The following ZFYVE9 variants were observed in gnomAD, a reference collection of about 807,000 sequenced individuals.
ZFYVE9 encodes zinc finger FYVE domain-containing protein 9.
Under a neutral mutation model 126.7 loss-of-function variants are expected in ZFYVE9, and 43 were observed. The ratio of observed to expected loss-of-function variants is 0.34; its 90% CI spans 0.27 to 0.44. The LOEUF is 0.44. ZFYVE9 is among the 20% of genes least tolerant of loss of function. The probability of loss-of-function intolerance (pLI) is 1.00; values close to 1 mark genes in which losing one functional copy is unlikely to be tolerated. For missense variants in ZFYVE9, 1,476 were observed against 1,697.0 expected (o/e 0.87, Z 2.29); for synonymous variants, 521 against 597.4 (o/e 0.87, Z 1.87).
rs769946024 is a variant in ZFYVE9 at position 52,238,467 on chromosome 1, A to G, written c.1050A>G (p.Gly350=). 8.1e-6 allele frequency: 13 copies of G among 1,614,116 alleles called. No homozygotes were observed. Among genetic ancestry groups the G allele is most frequent in the South Asian group, 2.2e-5 (2 of 91,082 alleles). ...LLKPDMPNGS[G]RNNDCERCSD... ...AACCAGACATGCCTAATGGGTCTGG[A>G]AGGAATAATGACTGTGAACGGTGTT... Residue 350 remains glycine (G), a synonymous_variant, in exon 4 of 19, where the codon GGA becomes GGG. Transcript: ENST00000287727.
At chr1:52,212,057 C>T (rs1645033419) in intron 1 of ZFYVE9, among the ~76,000 whole-genome samples, 1 of 152,180 alleles carries the variant, frequency 6.6e-6, no homozygotes, top group Non-Finnish European at 1.5e-5. Context: ...TTCTGTTATA[C>T]ATCCCAGGGA....
intron 1 of ZFYVE9, among the ~76,000 whole-genome samples, chr1:52,188,438 C>A (rs969484833): frequency 6.6e-6 from 1 of 152,044 alleles, no homozygotes; most frequent in Admixed American, 6.6e-5. Flanking sequence ...ATGAGTTTAC[C>A]TGTATAACAA....
intron 1 of ZFYVE9, among the ~76,000 whole-genome samples, chr1:52,167,257 T>C (rs1413115523): frequency 1.3e-5 from 2 of 152,352 alleles, no homozygotes; most frequent in East Asian, 3.9e-4. Context: ...AGGCATAGGA[T>C]GTGCAGTGAT....
intron 1 of ZFYVE9, among the ~76,000 whole-genome samples, chr1:52,201,590 GC>G (rs1412814780): frequency 2.0e-5 from 3 of 151,576 alleles, no homozygotes; most frequent in Non-Finnish European, 4.4e-5. Context: ...TGTTGGCCAG[GC>G]TGGTCTTGAA....
intron 9 of ZFYVE9, among the ~76,000 whole-genome samples, chr1:52,280,695 G>T (rs1410887124): frequency 1.3e-5 from 2 of 152,126 alleles, no homozygotes; most frequent in African/African-American, 2.4e-5. Context: ...GAACTAAGTA[G>T]TTCAGAAAAG....
chr1:52,179,343 T>A (rs141657614), intron 1 of ZFYVE9, among the ~76,000 whole-genome samples: 2 of 152,234 alleles, frequency 1.3e-5, no homozygotes, highest in Admixed American at 1.3e-4. Context: ...GGATTAAAAG[T>A]CACATTTAAG....
rs1217029127 is a variant in ZFYVE9, at chr1:52,168,209, GTCTTCT to G, written c.-143+25808_-143+25813del. ...ATTCCTCCTCCTCTTCCTCCTCTTCGTCTTCTTTTTTTTTTTTTTTTTTTTTTGACA... is the reference window on the plus strand; with the variant it reads ...ATTCCTCCTCCTCTTCCTCCTCTTCGTTTTTTTTTTTTTTTTTTTTTGACA... On this transcript the variant is annotated intron_variant, in intron 1 of 18. Transcript: ENST00000287727. 2.1e-5 allele frequency among the ~76,000 whole-genome samples: 3 copies of G among 142,248 alleles called. No individual in the cohort carries two copies. The East Asian group carries it at 6.1e-4, about 29-fold the overall frequency. The allele number at this position is 142,248 out of a possible 152,430, so 93.3% of individuals were successfully genotyped here. A position where few individuals can be genotyped will look rare whatever the true frequency, so the allele number is the denominator to read the frequency against.
At chr1:52,241,714 A>T (rs1645335639) in intron 4 of ZFYVE9, among the ~76,000 whole-genome samples, 2 of 152,124 alleles carry the variant, frequency 1.3e-5, no homozygotes, top group African/African-American at 4.8e-5. Flanking sequence ...TACCTTAGAG[A>T]TGTTATAAGT....
intron 13 of ZFYVE9, among the ~76,000 whole-genome samples, chr1:52,326,693 C>CAAAAAAA (rs34479038): frequency 3.9e-5 from 4 of 102,912 alleles, no homozygotes; most frequent in African/African-American, 8.0e-5. Flanking sequence ...TACTCAATAC[C>CAAAAAAA]AAAAAAAAAA....
At chr1:52,227,599 A>G (rs557741073) in intron 2 of ZFYVE9, among the ~76,000 whole-genome samples, 4 of 152,324 alleles carry the variant, frequency 2.6e-5, no homozygotes, top group African/African-American at 9.6e-5. Context: ...TCCAATATTT[A>G]ATGACTTTTT....
At chr1:52,324,707 G>A (rs917682971) in intron 13 of ZFYVE9, among the ~76,000 whole-genome samples, 8 of 152,352 alleles carry the variant, frequency 5.3e-5, no homozygotes, top group South Asian at 2.1e-4. Flanking sequence ...AGGGCAGAGA[G>A]TAAGTCTTTC....
intron 12 of ZFYVE9, among the ~76,000 whole-genome samples, chr1:52,299,623 C>T (rs1569706545): frequency 6.6e-6 from 1 of 152,206 alleles, no homozygotes; most frequent in Non-Finnish European, 1.5e-5. Context: ...CTCCACTGTA[C>T]AGGTCTGTCT....
chr1:52,299,798 C>T (rs1457179604), intron 12 of ZFYVE9, among the ~76,000 whole-genome samples: 1 of 152,222 alleles, frequency 6.6e-6, no homozygotes, highest in African/African-American at 2.4e-5. Flanking sequence ...AATTGGCCCC[C>T]AGGCAGGATG....
intron 1 of ZFYVE9, among the ~76,000 whole-genome samples, chr1:52,143,747 A>G (rs1463638879): frequency 1.3e-5 from 2 of 152,238 alleles, no homozygotes; most frequent in African/African-American, 2.4e-5. Context: ...GAATTCATCA[A>G]TTAAAACAGA....
At chr1:52,174,892 G>A (rs1644609561) in intron 1 of ZFYVE9, among the ~76,000 whole-genome samples, 2 of 152,098 alleles carry the variant, frequency 1.3e-5, no homozygotes, top group Non-Finnish European at 2.9e-5. Context: ...TTGAGCCTAT[G>A]TGTGTCTGTG....
chr1:52,213,080 G>A (rs1645042178), intron 1 of ZFYVE9, among the ~76,000 whole-genome samples: 1 of 152,122 alleles, frequency 6.6e-6, no homozygotes, highest in African/African-American at 2.4e-5. Flanking sequence ...CAATGAATAA[G>A]TCATTACTGT....
chr1:52,150,280 AC>A (rs1231861951), intron 1 of ZFYVE9: 3 of 152,408 alleles, frequency 2.0e-5, no homozygotes, highest in Non-Finnish European at 4.4e-5. Context: ...GTCGGAGACC[AC>A]CAGGTTGCCT....
chr1:52,205,834 A>G (rs1458019037), intron 1 of ZFYVE9, among the ~76,000 whole-genome samples: 1 of 152,226 alleles, frequency 6.6e-6, no homozygotes, highest in African/African-American at 2.4e-5. Context: ...AATTTGTGGT[A>G]TACAAATTAT....
At chr1:52,221,452 C>G (rs1452313782) in intron 2 of ZFYVE9, among the ~76,000 whole-genome samples, 1 of 152,214 alleles carries the variant, frequency 6.6e-6, no homozygotes, top group African/African-American at 2.4e-5. Context: ...TAGGTCATCC[C>G]TCTCTAATAA....
Sources: allele counts gnomAD v4.1 joint callset (sites outside exome capture counted in the v4.1 genomes callset), GRCh38; gene constraint gnomAD v4.1.1; transcripts MANE v1.5; gene names NCBI Gene and HGNC (gene_info 2026-07-23, HGNC 2026-07-21).